Variants in ACADM observed in about 807,000 individuals in gnomAD.
ACADM encodes the protein medium-chain specific acyl-CoA dehydrogenase, mitochondrial.
Under a neutral mutation model 58.9 loss-of-function variants are expected in ACADM, and 49 were observed. That is an observed-to-expected ratio of 0.83 (90% CI 0.66 to 1.06). The LOEUF is 1.06. Among genes scored for constraint, ACADM ranks in the 50% least tolerant of loss-of-function variants. The probability of loss-of-function intolerance (pLI) is 0.00; values close to 1 mark genes in which losing one functional copy is unlikely to be tolerated. For synonymous variants in ACADM, 160 were observed against 157.7 expected, an observed-to-expected ratio of 1.01 and a Z score of -0.11; for missense variants, 496 against 507.0, an observed-to-expected ratio of 0.98 and a Z score of 0.21.
chr1:75,739,894 T>TA, intron 6 of ACADM, 86 bp from the exon 7 acceptor site: 3 of 997,968 alleles, frequency 3.0e-6, no homozygotes, highest in African/African-American at 1.7e-5. Flanking sequence ...AAATACAGCT[T>TA]AAAAAATAAA....
At chr1:75,743,610 CAG>C (rs770167418) in intron 7 of ACADM, 83 of 1,560,796 alleles carry the variant, frequency 5.3e-5, no homozygotes, top group African/African-American at 3.4e-4. Flanking sequence ...GGATGGCAGA[CAG>C]GGGGGTTGAT....
intron 7 of ACADM, chr1:75,743,536 A>G (rs1326926980): frequency 5.0e-6 from 8 of 1,606,322 alleles, no homozygotes; most frequent in Non-Finnish European, 6.8e-6. Flanking sequence ...CACGTACATC[A>G]TGGGCTGCAC....
chr1:75,733,870 TG>T (rs1184938353), intron 5 of ACADM, among the ~76,000 whole-genome samples: 2 of 152,210 alleles, frequency 1.3e-5, no homozygotes, highest in Admixed American at 6.5e-5. Flanking sequence ...GACTGTCCTT[TG>T]GAGGAAACTG....
At chr1:75,743,909 A>T in intron 7 of ACADM, 1 of 1,472,412 alleles carries the variant, frequency 6.8e-7, no homozygotes, top group Non-Finnish European at 9.5e-7. Flanking sequence ...TGCAAGGCAA[A>T]GGCTGAGGCC....
chr1:75,729,514 T>A (rs1386061886), intron 2 of ACADM, among the ~76,000 whole-genome samples: 2 of 61,124 alleles, frequency 3.3e-5, no homozygotes, highest in South Asian at 6.6e-4. Flanking sequence ...TTCTCTTTTC[T>A]TTTTTTTGAG....
At chr1:75,758,693 T>G (rs1161936254) in intron 10 of ACADM, among the ~76,000 whole-genome samples, 2 of 152,174 alleles carry the variant, frequency 1.3e-5, no homozygotes, top group Non-Finnish European at 2.9e-5. Flanking sequence ...ATCAGTGCTG[T>G]GTCTAGCTAA....
intron 9 of ACADM, among the ~76,000 whole-genome samples, chr1:75,749,785 T>A (rs1648104012): frequency 6.7e-6 from 1 of 148,220 alleles, no homozygotes; most frequent in African/African-American, 2.5e-5. Context: ...CAATCTCAGC[T>A]CATTGCAACC....
chr1:75,726,399 T>C (rs1318366330), intron 1 of ACADM, among the ~76,000 whole-genome samples: 1 of 150,910 alleles, frequency 6.6e-6, no homozygotes, highest in East Asian at 1.9e-4. Flanking sequence ...GTAGACCATT[T>C]AACCTGGTTT....
At position 75,743,309 on chromosome 1, in the gene ACADM, G is replaced by A. The variant is rs146489094; in HGVS notation, c.600-2497G>A. ...ATAGTGCTCTGCTTCCTTGCTTGAG[G>A]CCAACAGCATGTGCCTGTCACCAGG... On this transcript the variant is annotated intron_variant, in intron 7 of 11. Transcript: ENST00000370841. The A allele has an allele frequency of 1.3e-3, 1,621 of 1,242,788 alleles. 19 individuals are homozygous for A. The South Asian group carries it at 0.014, about 11-fold the overall frequency. The allele number at this position is 1,242,788 out of a possible 1,614,324, so 77.0% of individuals were successfully genotyped here.
chr1:75,728,309 C>G, intron 1 of ACADM, 92 bp from the exon 2 acceptor site: 1 of 981,672 alleles, frequency 1.0e-6, no homozygotes, highest in Non-Finnish European at 1.5e-6. Context: ...ATGGTCAAAC[C>G]AGTTGCTGTA....
intron 1 of ACADM, 115 bp downstream of exon 1, chr1:75,724,932 G>A (rs1570843751): frequency 1.7e-6 from 2 of 1,152,858 alleles, no homozygotes; most frequent in East Asian, 2.9e-5. Context: ...TCGGGCTGAG[G>A]AAGGAGCCAG....
Position 75,760,334 on chromosome 1 carries a change from A to T in ACADM, c.946-788A>T, listed in dbSNP as rs545016949. Among the ~76,000 whole-genome samples, 269 of 150,180 alleles carry T rather than the reference A, an allele frequency of 1.8e-3. 1 individual carries two copies. Among genetic ancestry groups the T allele is most frequent in the Middle Eastern group, 6.9e-3 (2 of 290 alleles). The stretch of plus-strand genomic sequence containing the variant: ...CTACTCGGGAGGCTGAGGCAGGAAA[A>T]TCGCTTGAACCTGGGGGGCAGAGGT... On this transcript the variant is annotated intron_variant, in intron 10 of 11. Coordinates refer to ENST00000370841, the MANE Select transcript of ACADM (RefSeq NM_000016.6).
At chr1:75,759,391 A>G (rs1648695008) in intron 10 of ACADM, among the ~76,000 whole-genome samples, 1 of 152,234 alleles carries the variant, frequency 6.6e-6, no homozygotes, top group Non-Finnish European at 1.5e-5. Context: ...CGCTGAACCT[A>G]GCAGACAAAA....
chr1:75,738,067 C>T (rs1435675372), intron 6 of ACADM, among the ~76,000 whole-genome samples: 1 of 151,910 alleles, frequency 6.6e-6, no homozygotes, highest in Non-Finnish European at 1.5e-5. Flanking sequence ...CAGGTGCGTG[C>T]CACCACGCCT....
intron 8 of ACADM, 38 bp from the exon 9 acceptor site, chr1:75,749,380 CA>C (rs752749506): frequency 1.9e-5 from 30 of 1,606,632 alleles, no homozygotes; most frequent in East Asian, 2.2e-5. Context: ...GATGCTGGCT[CA>C]AAAAAAATTC....
intron 7 of ACADM, chr1:75,744,532 A>G: frequency 2.0e-6 from 3 of 1,505,612 alleles, no homozygotes; most frequent in Middle Eastern, 1.7e-4. Flanking sequence ...TCCCTCTGTG[A>G]CAGGTTCTGC....
intron 10 of ACADM, among the ~76,000 whole-genome samples, chr1:75,756,294 A>G (rs1016013717): frequency 1.3e-5 from 2 of 152,218 alleles, no homozygotes; most frequent in East Asian, 1.9e-4. Flanking sequence ...TGCACATGTC[A>G]TGATTGTTTA....
At chr1:75,753,752 G>T (rs12074404) in intron 10 of ACADM, among the ~76,000 whole-genome samples, 2 of 144,126 alleles carry the variant, frequency 1.4e-5, no homozygotes, top group South Asian at 2.2e-4. Flanking sequence ...TTCTACTGAA[G>T]ATTTGCTTAT....
chr1:75,746,593 AAGTAAT>A (rs1046670478), intron 8 of ACADM, among the ~76,000 whole-genome samples: 2 of 139,206 alleles, frequency 1.4e-5, no homozygotes, highest in African/African-American at 5.5e-5. Flanking sequence ...GAAGTCAATA[AAGTAAT>A]TTTTTTTTTT....
Sources: gnomAD v4.1 joint callset for allele counts (sites outside exome capture counted in the v4.1 genomes callset) on GRCh38, gnomAD v4.1.1 for gene constraint, MANE v1.5 for transcripts, NCBI Gene and HGNC (gene_info 2026-07-23, HGNC 2026-07-21) for gene names.